The following SRPK1 variants were observed in gnomAD, a reference collection of about 807,000 sequenced individuals.
SRPK1 encodes the protein SFRS protein kinase 1.
Under a neutral mutation model 89.5 loss-of-function variants are expected in SRPK1, and 52 were observed. That is an observed-to-expected ratio of 0.58 (90% CI 0.46 to 0.73). The LOEUF is 0.73. Among genes scored for constraint, SRPK1 ranks in the 30% least tolerant of loss-of-function variants. The probability of loss-of-function intolerance (pLI) is 0.00; values close to 1 mark genes in which losing one functional copy is unlikely to be tolerated. For synonymous variants in SRPK1, 255 were observed against 270.2 expected (o/e 0.94, Z 0.55); for missense variants, 603 against 780.6 (o/e 0.77, Z 2.71).
chr6:35,868,046 C>G (rs904226143), intron 12 of SRPK1, among the ~76,000 whole-genome samples: 4 of 151,904 alleles, frequency 2.6e-5, no homozygotes, highest in Admixed American at 6.6e-5. Context: ...GATCTTGGCT[C>G]GCCGAAACCT....
intron 2 of SRPK1, among the ~76,000 whole-genome samples, chr6:35,910,171 C>T (rs975904006): frequency 5.3e-5 from 8 of 152,102 alleles, no homozygotes; most frequent in Admixed American, 2.0e-4. Context: ...TTAGTAGAGA[C>T]GGGCTTTCAC....
At chr6:35,842,384 T>C in intron 14 of SRPK1, 151 bp downstream of exon 14, 2 of 512,160 alleles carry the variant, frequency 3.9e-6, no homozygotes, top group Non-Finnish European at 3.3e-6. Context: ...AAAAACCTAA[T>C]ATAAAATGTC....
At chr6:35,892,018 A>G (rs1376871980) in intron 2 of SRPK1, among the ~76,000 whole-genome samples, 1 of 152,144 alleles carries the variant, frequency 6.6e-6, no homozygotes, top group African/African-American at 2.4e-5. Context: ...ACATTTTGGA[A>G]TATTTCCTTC....
chr6:35,868,572 A>G (rs1372605378), intron 12 of SRPK1, among the ~76,000 whole-genome samples: 1 of 152,208 alleles, frequency 6.6e-6, no homozygotes, highest in Non-Finnish European at 1.5e-5. Context: ...AATTGTATTT[A>G]AATTTCTGGC....
At chr6:35,888,187 G>A in intron 4 of SRPK1, 76 bp from the exon 5 acceptor site, 1 of 918,974 alleles carries the variant, frequency 1.1e-6, no homozygotes, top group Non-Finnish European at 1.6e-6. Context: ...GCTATAAGAT[G>A]GTTAAAAAGG....
At chr6:35,915,026 C>T (rs1771057504) in intron 2 of SRPK1, among the ~76,000 whole-genome samples, 1 of 152,252 alleles carries the variant, frequency 6.6e-6, no homozygotes, top group African/African-American at 2.4e-5. Context: ...GAACTCCTGA[C>T]CTCAAGTGAT....
intron 5 of SRPK1, among the ~76,000 whole-genome samples, chr6:35,887,228 GGT>G (rs1373207318): frequency 1.3e-5 from 2 of 152,020 alleles, no homozygotes; most frequent in East Asian, 3.9e-4. Flanking sequence ...CTTTTGGGTA[GGT>G]ACAAGGCTCC....
At chr6:35,865,037 G>T (rs1769864664) in intron 12 of SRPK1, among the ~76,000 whole-genome samples, 1 of 152,178 alleles carries the variant, frequency 6.6e-6, no homozygotes, top group Non-Finnish European at 1.5e-5. Context: ...CAGAGGCTGG[G>T]AAGGGTAGCA....
intron 2 of SRPK1, among the ~76,000 whole-genome samples, chr6:35,906,162 A>C (rs1349181182): frequency 6.6e-6 from 1 of 152,174 alleles, no homozygotes; most frequent in Non-Finnish European, 1.5e-5. Context: ...ATGAAAAAAA[A>C]CTCCAATTAG....
chr6:35,892,947 C>A (rs1300636873), intron 2 of SRPK1, among the ~76,000 whole-genome samples: 1 of 152,100 alleles, frequency 6.6e-6, no homozygotes. Context: ...TTTTTGGTGG[C>A]CATTCCAACC....
At chr6:35,916,748 A>G (rs925787401) in intron 2 of SRPK1, among the ~76,000 whole-genome samples, 1 of 152,224 alleles carries the variant, frequency 6.6e-6, no homozygotes, top group Non-Finnish European at 1.5e-5. Context: ...ATTATGTTCC[A>G]TAGAAACAAC....
intron 3 of SRPK1, 56 bp downstream of exon 3, chr6:35,890,839 C>T (rs183933089): frequency 3.1e-5 from 45 of 1,454,104 alleles, no homozygotes; most frequent in East Asian, 1.3e-4. Flanking sequence ...AACATCCAAA[C>T]GAGAAATTGC....
chr6:35,879,154 G>A (rs1770221044), intron 6 of SRPK1, among the ~76,000 whole-genome samples: 2 of 152,196 alleles, frequency 1.3e-5, no homozygotes, highest in Non-Finnish European at 2.9e-5. Context: ...GAAAGTGACT[G>A]CGCATGCCCA....
chr6:35,903,240 G>A (rs1031561802), intron 2 of SRPK1, among the ~76,000 whole-genome samples: 1 of 152,162 alleles, frequency 6.6e-6, no homozygotes, highest in Non-Finnish European at 1.5e-5. Context: ...AAGAGGCCGT[G>A]GTGGCTCACG....
At chr6:35,864,099 C>T (rs931961554) in intron 12 of SRPK1, among the ~76,000 whole-genome samples, 20 of 152,082 alleles carry the variant, frequency 1.3e-4, no homozygotes, top group Non-Finnish European at 2.9e-5. Flanking sequence ...TACAAGAAAA[C>T]ATGTGGGAAA....
At chr6:35,873,912 C>T (rs1415396246) in intron 7 of SRPK1, among the ~76,000 whole-genome samples, 4 of 151,160 alleles carry the variant, frequency 2.6e-5, no homozygotes, top group African/African-American at 7.3e-5. Flanking sequence ...CCGCAAGCTC[C>T]GCCTCCTGGG....
At chr6:35,895,906 G>A (rs1770618438) in intron 2 of SRPK1, among the ~76,000 whole-genome samples, 1 of 152,318 alleles carries the variant, frequency 6.6e-6, no homozygotes, top group East Asian at 1.9e-4. Flanking sequence ...CCAGACAGCT[G>A]AATAAGTAGA....
intron 13 of SRPK1, among the ~76,000 whole-genome samples, chr6:35,845,951 T>C (rs1430928263): frequency 6.6e-6 from 1 of 152,176 alleles, no homozygotes; most frequent in African/African-American, 2.4e-5. Context: ...AATTAACAGA[T>C]GATTCAAATT....
intron 2 of SRPK1, among the ~76,000 whole-genome samples, chr6:35,896,453 A>G (rs1770628750): frequency 1.3e-5 from 2 of 152,222 alleles, no homozygotes; most frequent in African/African-American, 4.8e-5. Flanking sequence ...AGTGTTGGTG[A>G]AGAAGTGAAA....
Sources: allele counts gnomAD v4.1 joint callset (sites outside exome capture counted in the v4.1 genomes callset), GRCh38; gene constraint gnomAD v4.1.1; transcripts MANE v1.5; gene names NCBI Gene and HGNC (gene_info 2026-07-23, HGNC 2026-07-21).